CDH13: variants seen among roughly 807,000 people sequenced by gnomAD.
The protein encoded by CDH13 is cadherin-13.
CDH13 carries 24 observed loss-of-function variants against 63.8 expected under a neutral mutation model. That is an observed-to-expected ratio of 0.38 (90% CI 0.27 to 0.53). The LOEUF (loss-of-function observed/expected upper bound fraction) is 0.53, where lower values mean the gene tolerates loss of function less well. CDH13 is among the 20% of genes least tolerant of loss of function. The pLI, the probability that CDH13 is intolerant of heterozygous loss-of-function variation, is 0.85. For missense variants in CDH13, 1,049 were observed against 903.1 expected, an observed-to-expected ratio of 1.16 and a Z score of -2.07; for synonymous variants, 503 against 355.3, an observed-to-expected ratio of 1.42 and a Z score of -4.67.
chr16:82,833,965 G>A (rs1466275731), intron 1 of CDH13, among the ~76,000 whole-genome samples: 2 of 152,178 alleles, frequency 1.3e-5, no homozygotes, highest in East Asian at 1.9e-4. Context: ...TACCTTGTGG[G>A]TGGGGAATTG....
intron 2 of CDH13, among the ~76,000 whole-genome samples, chr16:82,878,741 G>T (rs1480612895): frequency 6.6e-6 from 1 of 151,682 alleles, no homozygotes; most frequent in East Asian, 2.0e-4. Context: ...AGGTTATTGA[G>T]AATAAAAATT....
intron 2 of CDH13, among the ~76,000 whole-genome samples, chr16:82,950,734 T>C (rs560183666): frequency 1.3e-5 from 2 of 152,256 alleles, no homozygotes; most frequent in African/African-American, 4.8e-5. Flanking sequence ...TACCCATGAC[T>C]TTATTTTAAC....
intron 5 of CDH13, among the ~76,000 whole-genome samples, chr16:83,292,057 A>C (rs1018069215): frequency 6.6e-6 from 1 of 152,156 alleles, no homozygotes; most frequent in Non-Finnish European, 1.5e-5. Context: ...TATGTTGGCC[A>C]CCTTTGTTTA....
intron 2 of CDH13, among the ~76,000 whole-genome samples, chr16:82,976,213 G>C (rs2151378470): frequency 6.6e-6 from 1 of 152,282 alleles, no homozygotes; most frequent in South Asian, 2.1e-4. Flanking sequence ...GTACACCAGG[G>C]GGCCTGGGCT....
intron 1 of CDH13, among the ~76,000 whole-genome samples, chr16:82,716,249 C>A (rs140043287): frequency 3.3e-5 from 5 of 152,158 alleles, no homozygotes; most frequent in Admixed American, 1.3e-4. Context: ...ATTTTCGGGA[C>A]CTTGGAGGAC....
chr16:82,641,884 G>A (rs896427912), intron 1 of CDH13, among the ~76,000 whole-genome samples: 5 of 152,154 alleles, frequency 3.3e-5, no homozygotes, highest in African/African-American at 1.2e-4. Flanking sequence ...GATGTCTGCA[G>A]GAGGGTGATG....
intron 4 of CDH13, among the ~76,000 whole-genome samples, chr16:83,168,422 G>A (rs1402006310): frequency 6.6e-6 from 1 of 151,774 alleles, no homozygotes; most frequent in Non-Finnish European, 1.5e-5. Flanking sequence ...TCCAGCAGAA[G>A]CAGTTTGCCA....
intron 3 of CDH13, among the ~76,000 whole-genome samples, chr16:83,070,294 A>C (rs1742261951): frequency 6.6e-6 from 1 of 152,212 alleles, no homozygotes; most frequent in African/African-American, 2.4e-5. Flanking sequence ...TGATACTGAC[A>C]GTTTAAGGGT....
intron 11 of CDH13, among the ~76,000 whole-genome samples, chr16:83,761,973 A>G (rs1246165794): frequency 6.6e-6 from 1 of 152,164 alleles, no homozygotes; most frequent in African/African-American, 2.4e-5. Flanking sequence ...AGGCTGAGGC[A>G]GGAGAATCGC....
intron 7 of CDH13, among the ~76,000 whole-genome samples, chr16:83,498,274 G>C (rs1329398908): frequency 6.6e-6 from 1 of 152,130 alleles, no homozygotes; most frequent in Non-Finnish European, 1.5e-5. Flanking sequence ...GTTCACACCA[G>C]CATGGAGTGA....
At chr16:83,190,926 G>A (rs1242768181) in intron 4 of CDH13, among the ~76,000 whole-genome samples, 4 of 151,776 alleles carry the variant, frequency 2.6e-5, no homozygotes, top group South Asian at 2.1e-4. Context: ...TGGCCAAAAC[G>A]ACTCTCCCGA....
intron 4 of CDH13, among the ~76,000 whole-genome samples, chr16:83,162,446 T>C (rs985362820): frequency 6.6e-6 from 1 of 152,216 alleles, no homozygotes; most frequent in African/African-American, 2.4e-5. Context: ...TTGAGTGGTT[T>C]ACCCAAGAAT....
At chr16:82,765,811 C>T (rs2035033927) in intron 1 of CDH13, among the ~76,000 whole-genome samples, 1 of 152,130 alleles carries the variant, frequency 6.6e-6, no homozygotes, top group South Asian at 2.1e-4. Context: ...TGAGCATCTA[C>T]ATAGGACCAG....
At chr16:82,908,907 C>A (rs1269176109) in intron 2 of CDH13, among the ~76,000 whole-genome samples, 2 of 152,168 alleles carry the variant, frequency 1.3e-5, no homozygotes, top group Non-Finnish European at 1.5e-5. Flanking sequence ...ATACAGTATT[C>A]ATAAGATATA....
intron 5 of CDH13, among the ~76,000 whole-genome samples, chr16:83,244,918 C>T (rs1343510026): frequency 6.6e-6 from 1 of 152,070 alleles, no homozygotes; most frequent in African/African-American, 2.4e-5. Flanking sequence ...TCCCTGACCT[C>T]CAGAAGGAAA....
intron 5 of CDH13, among the ~76,000 whole-genome samples, chr16:83,247,150 G>A (rs1905066295): frequency 6.6e-6 from 1 of 152,118 alleles, no homozygotes; most frequent in Admixed American, 6.5e-5. Context: ...TCCTGGGGAG[G>A]TGGGAAGAAC....
At chr16:82,687,380 G>T (rs969924316) in intron 1 of CDH13, among the ~76,000 whole-genome samples, 7 of 152,106 alleles carry the variant, frequency 4.6e-5, no homozygotes, top group African/African-American at 1.7e-4. Context: ...TGTATTAGTC[G>T]GTTCTCAAGC....
intron 1 of CDH13, among the ~76,000 whole-genome samples, chr16:82,795,762 T>A (rs1226546943): frequency 6.6e-6 from 1 of 152,022 alleles, no homozygotes; most frequent in Non-Finnish European, 1.5e-5. Context: ...AAGAAAACAA[T>A]GGCTGTAGTG....
chr16:83,625,082 CT>C (rs1176363516), intron 8 of CDH13, among the ~76,000 whole-genome samples: 1 of 152,126 alleles, frequency 6.6e-6, no homozygotes, highest in Non-Finnish European at 1.5e-5. Context: ...GCTTTTCCCC[CT>C]GAATTGCCAT....
Sources: allele counts gnomAD v4.1 joint callset (sites outside exome capture counted in the v4.1 genomes callset), GRCh38; gene constraint gnomAD v4.1.1; transcripts MANE v1.5; gene names NCBI Gene and HGNC (gene_info 2026-07-23, HGNC 2026-07-21).